Variants in LRRC7 observed in about 807,000 individuals in gnomAD.
The protein encoded by LRRC7 is leucine rich repeat containing 7.
In LRRC7, 23 loss-of-function variants were observed where a neutral mutation model predicts 175.7. The ratio of observed to expected loss-of-function variants is 0.13; its 90% CI spans 0.09 to 0.19. LRRC7 has a LOEUF of 0.19. LRRC7 is among the 10% of genes least tolerant of loss of function. The pLI is 1.00. For missense variants in LRRC7, 1,354 were observed against 1,904.7 expected, an observed-to-expected ratio of 0.71 and a Z score of 5.38; for synonymous variants, 685 against 680.9, an observed-to-expected ratio of 1.01 and a Z score of -0.09.
chr1:69,909,889 C>G (rs922278553), intron 7 of LRRC7, among the ~76,000 whole-genome samples: 23 of 152,038 alleles, frequency 1.5e-4, no homozygotes, highest in African/African-American at 5.6e-4. Flanking sequence ...TCCATTCTCC[C>G]CATCATTTTC....
chr1:70,062,060 G>A (rs1260679624), intron 23 of LRRC7, among the ~76,000 whole-genome samples: 1 of 152,106 alleles, frequency 6.6e-6, no homozygotes, highest in African/African-American at 2.4e-5. Flanking sequence ...TGACAACATT[G>A]TCAGGCACCT....
intron 2 of LRRC7, among the ~76,000 whole-genome samples, chr1:69,694,817 T>C (rs892789820): frequency 2.0e-5 from 3 of 151,846 alleles, no homozygotes; most frequent in Non-Finnish European, 2.9e-5. Flanking sequence ...GATCATAAGC[T>C]TCTTGAGGCC....
At chr1:70,033,946 C>T (rs917897258) in intron 18 of LRRC7, among the ~76,000 whole-genome samples, 11 of 151,946 alleles carry the variant, frequency 7.2e-5, no homozygotes, top group African/African-American at 2.4e-4. Flanking sequence ...AAATAACTTA[C>T]CTTTAGATTC....
intron 4 of LRRC7, among the ~76,000 whole-genome samples, chr1:69,796,973 T>C (rs1258553721): frequency 6.6e-6 from 1 of 152,192 alleles, no homozygotes; most frequent in Non-Finnish European, 1.5e-5. Context: ...TTAATTTCTA[T>C]ATATTTGACT....
rs1327998542 is a variant in LRRC7, at chr1:70,141,211, A to G, written c.*19324A>G. Among the ~76,000 whole-genome samples the G allele has an allele frequency of 6.6e-6, 1 of 152,150 alleles. No individual in the cohort carries two copies. The highest frequency in any genetic ancestry group is 1.9e-4 in the East Asian group (1 of 5,202). ...GAGCTTCATTCAGTTGGGACAATTC[A>G]GGGTTCAGGTACGAAAAGGGTATGA... On this transcript the variant is annotated 3_prime_UTR_variant, in exon 27 of 27. Coordinates refer to ENST00000651989, the MANE Select transcript of LRRC7 (RefSeq NM_001370785.2).
At chr1:69,949,726 G>A (rs1362502679) in intron 8 of LRRC7, among the ~76,000 whole-genome samples, 5 of 152,044 alleles carry the variant, frequency 3.3e-5, no homozygotes. Context: ...TACTTGCAAA[G>A]AATGGATTCT....
rs978340199 is a variant in LRRC7, at chr1:69,588,136, C to T, written c.2+19495C>T. On this transcript the variant is annotated intron_variant, in intron 1 of 26. Coordinates refer to ENST00000651989, the MANE Select transcript of LRRC7 (RefSeq NM_001370785.2). ...GCTTTCTATACCTTCTGCCTCCTTC[C>T]ATCCCAGGGAAAGTTAGTGGTTTTT... Among the ~76,000 whole-genome samples, 4 of 152,316 alleles carry T rather than the reference C, an allele frequency of 2.6e-5. No individual in the cohort carries two copies. The South Asian group carries it at 8.3e-4, about 32-fold the overall frequency.
At position 70,133,826 on chromosome 1, in the gene LRRC7, T is replaced by C. The variant is rs757658705; in HGVS notation, c.*11939T>C. Among the ~76,000 whole-genome samples the C allele has an allele frequency of 6.6e-6, 1 of 152,216 alleles. No homozygotes were observed. The highest frequency in any genetic ancestry group is 1.5e-5 in the Non-Finnish European group (1 of 68,030). On this transcript the variant is annotated 3_prime_UTR_variant, in exon 27 of 27. Transcript: ENST00000651989. ...AACTTGTGTTTTCCAAATATTTTGC[T>C]CCTATCTCCCATTATTTTAGCCACA...
chr1:69,704,139 T>G (rs1249331911), intron 2 of LRRC7, among the ~76,000 whole-genome samples: 1 of 152,068 alleles, frequency 6.6e-6, no homozygotes. Flanking sequence ...ATAAGTTTTG[T>G]GATAAGTTAT....
intron 7 of LRRC7, among the ~76,000 whole-genome samples, chr1:69,886,633 G>C (rs1198248172): frequency 1.3e-5 from 2 of 148,406 alleles, no homozygotes; most frequent in Admixed American, 6.7e-5. Flanking sequence ...AGTTAATATT[G>C]TTATGTGTGA....
intron 24 of LRRC7, among the ~76,000 whole-genome samples, chr1:70,086,026 C>T (rs1436326037): frequency 6.6e-6 from 1 of 152,104 alleles, no homozygotes; most frequent in Non-Finnish European, 1.5e-5. Flanking sequence ...AACTGACATT[C>T]CTTCTAAAAC....
chr1:69,650,730 G>A (rs201225738), intron 1 of LRRC7, among the ~76,000 whole-genome samples: 3 of 126,898 alleles, frequency 2.4e-5, no homozygotes, highest in African/African-American at 9.1e-5. Flanking sequence ...AACAAAATAT[G>A]TTGTGCAATT....
At chr1:69,934,936 A>G (rs1456375927) in intron 8 of LRRC7, among the ~76,000 whole-genome samples, 2 of 152,186 alleles carry the variant, frequency 1.3e-5, no homozygotes, top group Non-Finnish European at 2.9e-5. Flanking sequence ...TAAGGCCCCA[A>G]CAACTCTACC....
At position 70,141,334 on chromosome 1, in the gene LRRC7, A is replaced by C. The variant is rs1000108051; in HGVS notation, c.*19447A>C. On this transcript the variant is annotated 3_prime_UTR_variant, in exon 27 of 27. Coordinates refer to ENST00000651989, the MANE Select transcript of LRRC7 (RefSeq NM_001370785.2). ...AGCCTGCAAATGAGACAATAGCTTC[A>C]TGCAGACTTTGGCCCAACTCTGTCT... The C allele has an allele frequency of 6.6e-6, 1 of 152,172 alleles. No homozygotes were observed. The highest frequency in any genetic ancestry group is 1.5e-5 in the Non-Finnish European group (1 of 68,008). 9.4% of individuals were successfully genotyped at this position (152,172 alleles called of 1,614,324 possible).
chr1:69,904,852 G>A (rs544037060), intron 7 of LRRC7, among the ~76,000 whole-genome samples: 36 of 152,078 alleles, frequency 2.4e-4, no homozygotes, highest in African/African-American at 6.5e-4. Context: ...AGGCCCTGGC[G>A]TCTGTTTCCT....
At chr1:69,701,936 C>T (rs1322523488) in intron 2 of LRRC7, among the ~76,000 whole-genome samples, 6 of 152,240 alleles carry the variant, frequency 3.9e-5, no homozygotes, top group Admixed American at 3.9e-4. Flanking sequence ...AATGCTTGAG[C>T]TGATGATGTG....
At chr1:69,987,698 A>G (rs761158071) in intron 10 of LRRC7, among the ~76,000 whole-genome samples, 6 of 152,168 alleles carry the variant, frequency 3.9e-5, no homozygotes, top group Non-Finnish European at 5.9e-5. Context: ...AGATGAGGCA[A>G]TTTTCCAAAT....
At chr1:69,944,425 G>A (rs1167773931) in intron 8 of LRRC7, among the ~76,000 whole-genome samples, 3 of 152,020 alleles carry the variant, frequency 2.0e-5, no homozygotes, top group Admixed American at 6.6e-5. Flanking sequence ...GGACATTTGG[G>A]TCACTTATAC....
intron 26 of LRRC7, among the ~76,000 whole-genome samples, chr1:70,108,435 C>CT (rs1665291308): frequency 6.6e-6 from 1 of 152,072 alleles, no homozygotes; most frequent in Admixed American, 6.6e-5. Context: ...ATTTATTTGA[C>CT]TTTTTTTGTC....
Sources: gnomAD v4.1 joint callset for allele counts (sites outside exome capture counted in the v4.1 genomes callset) on GRCh38, gnomAD v4.1.1 for gene constraint, MANE v1.5 for transcripts, NCBI Gene and HGNC (gene_info 2026-07-23, HGNC 2026-07-21) for gene names.